The following ADAMTSL3 variants were observed in gnomAD, a reference collection of about 807,000 sequenced individuals.
ADAMTSL3 encodes the protein ADAMTS-like protein 3.
ADAMTSL3 carries 128 observed loss-of-function variants against 201.7 expected under a neutral mutation model. The ratio of observed to expected loss-of-function variants is 0.63; its 90% CI spans 0.55 to 0.73. The LOEUF (loss-of-function observed/expected upper bound fraction) is 0.73. Ranked by LOEUF, ADAMTSL3 falls within the 30% of genes least tolerant of loss-of-function variation. ADAMTSL3 has a pLI of 0.00. For missense variants in ADAMTSL3, 1,990 were observed against 2,119.6 expected (o/e 0.94, Z 1.20); for synonymous variants, 738 against 748.4 (o/e 0.99, Z 0.23).
chr15:83,923,810 A>G (rs548471252), intron 16 of ADAMTSL3, 94 bp from the exon 17 acceptor site: 6 of 1,448,190 alleles, frequency 4.1e-6, no homozygotes, highest in South Asian at 1.3e-5. Flanking sequence ...AAAGGGCAGT[A>G]TGCTAAGAAT....
At chr15:83,970,937 T>C (rs1477247472) in intron 20 of ADAMTSL3, among the ~76,000 whole-genome samples, 2 of 152,228 alleles carry the variant, frequency 1.3e-5, no homozygotes, top group African/African-American at 2.4e-5. Flanking sequence ...GAGTGTTCCA[T>C]GTAGAAGTTA....
chr15:83,797,380 C>T (rs765534467), intron 4 of ADAMTSL3, among the ~76,000 whole-genome samples: 4 of 151,964 alleles, frequency 2.6e-5, no homozygotes, highest in African/African-American at 4.8e-5. Context: ...TGGGAGGCCA[C>T]GATGCGCGGA....
At chr15:83,934,025 C>G (rs1328731680) in intron 17 of ADAMTSL3, among the ~76,000 whole-genome samples, 1 of 152,116 alleles carries the variant, frequency 6.6e-6, no homozygotes, top group Non-Finnish European at 1.5e-5. Flanking sequence ...GGTCAGAATC[C>G]CTACACAGAG....
In ADAMTSL3 at chr15:83,899,667, A is replaced by G. The variant is rs748960462; in HGVS notation, c.1636A>G (p.Lys546Glu). ...CTTAGAAAAAAGTCCAGTGGAAGCA[A>G]AATTGCCTTGGCTGAAACAAGCACA... ...KPKEKSPVEAKLPWLKQAQEL... is the reference protein window; with the variant it reads ...KPKEKSPVEAELPWLKQAQEL... Residue 546 changes from lysine to glutamate, a missense_variant, in exon 15 of 30, where the codon AAA becomes GAA. Transcript: ENST00000286744. 1 of 1,612,256 alleles carries G rather than the reference A, an allele frequency of 6.2e-7. No homozygotes were observed.
At chr15:83,960,909 G>A (rs1471354589) in intron 19 of ADAMTSL3, among the ~76,000 whole-genome samples, 1 of 152,164 alleles carries the variant, frequency 6.6e-6, no homozygotes, top group African/African-American at 2.4e-5. Flanking sequence ...AAAAGGGAGG[G>A]AGGAAGTCAT....
chr15:83,784,523 A>G (rs181687148), intron 4 of ADAMTSL3, among the ~76,000 whole-genome samples: 102 of 152,290 alleles, frequency 6.7e-4, no homozygotes, highest in Non-Finnish European at 8.7e-4. Context: ...TTAACATACT[A>G]TCATTTCAAT....
At chr15:83,693,092 T>C (rs1271118174) in intron 2 of ADAMTSL3, among the ~76,000 whole-genome samples, 1 of 152,184 alleles carries the variant, frequency 6.6e-6, no homozygotes, top group Non-Finnish European at 1.5e-5. Flanking sequence ...TTTTATTTTT[T>C]TTGCTACTGA....
In ADAMTSL3 at chr15:83,887,149, C is replaced by T. The variant is rs190614660; in HGVS notation, c.1072+1937C>T. 2.9e-4 allele frequency among the ~76,000 whole-genome samples: 44 copies of T among 152,266 alleles called. 1 individual carries two copies. The highest frequency in any genetic ancestry group is 8.5e-4 in the Admixed American group (13 of 15,296). On this transcript the variant is annotated intron_variant, in intron 10 of 29. Transcript: ENST00000286744. Reference sequence around the variant, plus strand: ...GAGTCAGAAACCCCAGAGTGTGGCTCATCCTCCAGGAGATGATGGTACACA... The same window carrying T: ...GAGTCAGAAACCCCAGAGTGTGGCTTATCCTCCAGGAGATGATGGTACACA...
intron 21 of ADAMTSL3, among the ~76,000 whole-genome samples, chr15:83,986,975 G>A (rs2067491185): frequency 6.6e-6 from 1 of 152,194 alleles, no homozygotes; most frequent in Non-Finnish European, 1.5e-5. Context: ...TGTCATGTAA[G>A]GTTCACGCAT....
At chr15:83,744,826 C>T (rs2062518038) in intron 3 of ADAMTSL3, among the ~76,000 whole-genome samples, 2 of 152,148 alleles carry the variant, frequency 1.3e-5, no homozygotes, top group Non-Finnish European at 2.9e-5. Flanking sequence ...TTACATATGC[C>T]TTCCTAGAGA....
Position 83,838,230 on chromosome 15 carries a change from C to T in ADAMTSL3, c.727+15C>T. 1 of 1,610,046 alleles carries T rather than the reference C, an allele frequency of 6.2e-7. No individual in the cohort carries two copies. Among genetic ancestry groups the T allele is most frequent in the Non-Finnish European group, 8.5e-7 (1 of 1,178,168 alleles). ...TCCTGAAAAAAGTAGGTTTTAAACC[C>T]AATACGTTATTACCATCATACAAGA... On this transcript the variant is annotated intron_variant, in intron 7 of 29. Transcript: ENST00000286744.
chr15:83,971,708 A>G (rs902441653), intron 20 of ADAMTSL3, among the ~76,000 whole-genome samples: 7 of 151,382 alleles, frequency 4.6e-5, no homozygotes, highest in African/African-American at 1.7e-4. Context: ...GGGAACAGGC[A>G]TAGTGGAAAT....
At chr15:84,000,346 T>C (rs2067770603) in intron 23 of ADAMTSL3, among the ~76,000 whole-genome samples, 2 of 152,198 alleles carry the variant, frequency 1.3e-5, no homozygotes, top group Non-Finnish European at 2.9e-5. Flanking sequence ...ATTTAAAATG[T>C]CTTTCCCTAC....
rs557890174 is a variant in ADAMTSL3, at chr15:83,965,635, A to G, written c.2491-4849A>G. The stretch of plus-strand genomic sequence containing the variant: ...CATTAGACAGATCAACAGACAGAAA[A>G]TTAACAAGGATATTCAGGACTTGAA... On this transcript the variant is annotated intron_variant, in intron 19 of 29. Transcript: ENST00000286744. Among the ~76,000 whole-genome samples, 15 of 152,268 alleles carry G rather than the reference A, an allele frequency of 9.9e-5. No individual in the cohort carries two copies. The East Asian group carries it at 2.9e-3, about 29-fold the overall frequency.
chr15:83,934,750 T>C (rs2066430471), intron 17 of ADAMTSL3, among the ~76,000 whole-genome samples: 1 of 152,056 alleles, frequency 6.6e-6, no homozygotes, highest in African/African-American at 2.4e-5. Flanking sequence ...ACTTAATAAG[T>C]AAAATAATTC....
intron 5 of ADAMTSL3, among the ~76,000 whole-genome samples, chr15:83,805,345 G>A (rs971776384): frequency 6.6e-6 from 1 of 152,102 alleles, no homozygotes; most frequent in African/African-American, 2.4e-5. Flanking sequence ...ATCACTTTAG[G>A]TTAAAAGTTC....
At chr15:83,836,958 T>G (rs919791300) in intron 6 of ADAMTSL3, among the ~76,000 whole-genome samples, 5 of 152,252 alleles carry the variant, frequency 3.3e-5, no homozygotes, top group Non-Finnish European at 7.4e-5. Context: ...ATCAGATCAG[T>G]TGATATTATT....
At chr15:84,011,690 C>T (rs1235149262) in intron 23 of ADAMTSL3, among the ~76,000 whole-genome samples, 2 of 151,864 alleles carry the variant, frequency 1.3e-5, no homozygotes, top group African/African-American at 4.8e-5. Context: ...AATTATTTAC[C>T]TTAAAAAACA....
intron 9 of ADAMTSL3, among the ~76,000 whole-genome samples, chr15:83,871,824 C>G (rs564588989): frequency 1.3e-5 from 2 of 152,268 alleles, no homozygotes; most frequent in South Asian, 2.1e-4. Context: ...TTTGCCGTAT[C>G]CTGTTTCAGA....
Sources: allele counts gnomAD v4.1 joint callset (sites outside exome capture counted in the v4.1 genomes callset), GRCh38; gene constraint gnomAD v4.1.1; transcripts MANE v1.5; gene names NCBI Gene and HGNC (gene_info 2026-07-23, HGNC 2026-07-21).